Variants in MGA observed in about 807,000 individuals in gnomAD.
MGA encodes MAX gene-associated protein.
In MGA, 40 loss-of-function variants were observed where a neutral mutation model predicts 261.1. The observed-to-expected ratio is 0.15, with a 90% CI of 0.12 to 0.20. The LOEUF (loss-of-function observed/expected upper bound fraction) is 0.20, where lower values mean the gene tolerates loss of function less well. Ranked by LOEUF, MGA falls within the 10% of genes least tolerant of loss-of-function variation. MGA has a pLI of 1.00. For missense variants in MGA, 3,397 were observed against 3,630.5 expected, an observed-to-expected ratio of 0.94 and a Z score of 1.65; for synonymous variants, 1,302 against 1,290.6, an observed-to-expected ratio of 1.01 and a Z score of -0.19.
At chr15:41,664,566 C>T (rs2057617632) in intron 1 of MGA, among the ~76,000 whole-genome samples, 1 of 152,044 alleles carries the variant, frequency 6.6e-6, no homozygotes, top group Admixed American at 6.6e-5. Flanking sequence ...TACTTCTTTG[C>T]TGCCTTAGTC....
intron 1 of MGA, among the ~76,000 whole-genome samples, chr15:41,653,373 A>AAAAACAACAAAAAACAAC (rs1595576487): frequency 6.6e-6 from 1 of 151,860 alleles, no homozygotes; most frequent in East Asian, 1.9e-4. Flanking sequence ...CATCTCAGAA[A>AAAAACAACAAAAAACAAC]AAAAAACAAC....
At chr15:41,746,696 A>G (rs1296663203) in intron 15 of MGA, among the ~76,000 whole-genome samples, 1 of 152,024 alleles carries the variant, frequency 6.6e-6, no homozygotes, top group Non-Finnish European at 1.5e-5. Flanking sequence ...TGTTATGACC[A>G]TGACTTTCTT....
At chr15:41,684,695 TGA>T (rs1566973130) in intron 2 of MGA, 1 of 186,420 alleles carries the variant, frequency 5.4e-6, no homozygotes, top group Non-Finnish European at 1.1e-5. Context: ...TTCTACATTA[TGA>T]GAGTTATGTC....
At chr15:41,715,076 G>GC (rs1305735705) in intron 9 of MGA, among the ~76,000 whole-genome samples, 3 of 112,582 alleles carry the variant, frequency 2.7e-5, no homozygotes, top group Non-Finnish European at 3.6e-5. Flanking sequence ...CTGCCCACCC[G>GC]CCCCCAGTGA....
chr15:41,765,690 A>G (rs2063762705), intron 23 of MGA, among the ~76,000 whole-genome samples: 1 of 152,240 alleles, frequency 6.6e-6, no homozygotes, highest in Non-Finnish European at 1.5e-5. Flanking sequence ...GTAGCAGTTA[A>G]TTAGGTGAAC....
chr15:41,708,313 G>GTTT (rs2060218194), intron 7 of MGA, 105 bp downstream of exon 7: 1 of 836,336 alleles, frequency 1.2e-6, no homozygotes, highest in Non-Finnish European at 1.9e-6. Context: ...CTCGCCATGG[G>GTTT]TTTTTTGTTG....
chr15:41,641,778 G>A (rs987983908), intron 1 of MGA, among the ~76,000 whole-genome samples: 11 of 151,832 alleles, frequency 7.2e-5, no homozygotes, highest in Admixed American at 1.3e-4. Flanking sequence ...ATGAGCCACC[G>A]TGTCCGGCCT....
chr15:41,623,533 T>A (rs973885690), intron 1 of MGA, among the ~76,000 whole-genome samples: 10 of 151,742 alleles, frequency 6.6e-5, no homozygotes, highest in Non-Finnish European at 1.5e-5. Context: ...TCACCTGAGG[T>A]CGGGAGTTCG....
At chr15:41,670,817 T>C (rs1401303290) in intron 2 of MGA, among the ~76,000 whole-genome samples, 1 of 152,202 alleles carries the variant, frequency 6.6e-6, no homozygotes, top group African/African-American at 2.4e-5. Context: ...TAAGCAATAC[T>C]GTTTTAACAA....
intron 1 of MGA, among the ~76,000 whole-genome samples, chr15:41,661,595 CTT>C (rs1005682973): frequency 8.5e-5 from 13 of 152,236 alleles, no homozygotes; most frequent in East Asian, 1.9e-4. Context: ...AAAGTGCACT[CTT>C]TTATTGGGAA....
intron 14 of MGA, among the ~76,000 whole-genome samples, chr15:41,742,269 T>C (rs1015051789): frequency 6.6e-6 from 1 of 151,588 alleles, no homozygotes; most frequent in Non-Finnish European, 1.5e-5. Context: ...GTGCCTGTAA[T>C]CCCAGCTACT....
At chr15:41,655,989 C>T (rs2057159942), upstream of MGA, among the ~76,000 whole-genome samples, 1 of 152,106 alleles carries the variant, frequency 6.6e-6, no homozygotes, top group South Asian at 2.1e-4. Flanking sequence ...AAATATGTGT[C>T]CACCCTATCC....
Position 41,743,060 on chromosome 15 carries a change from G to C in MGA, c.5100G>C (p.Val1700=), listed in dbSNP as rs1030647065. The stretch of plus-strand genomic sequence containing the variant: ...CCACTGCTTCCACCTCCTTAGTCGT[G>C]GTGACTGCAGCTGCATCTTCCTCCA... The change falls in exon 15 of 24, where the codon GTG becomes GTC. Residue 1700 remains valine (V), a synonymous_variant. Transcript: ENST00000219905. The C allele has an allele frequency of 1.3e-5, 21 of 1,613,820 alleles. No homozygotes were observed. The highest frequency in any genetic ancestry group is 5.3e-5 in the African/African-American group (4 of 74,898).
chr15:41,708,098 T>C lies in MGA; in HGVS notation c.2321-6T>C. On this transcript the variant is annotated splice_polypyrimidine_tract_variant and splice_region_variant and intron_variant, in intron 6 of 23. Coordinates refer to ENST00000219905, the MANE Select transcript of MGA (RefSeq NM_001164273.2). ...TTGGTCATCTGTTTGACTTTTTCTT[T>C]TATAGATGCGGGATTTCCCTTTGTT... is the stretch of plus-strand genomic sequence containing the variant. 1 of 1,562,218 alleles carries C rather than the reference T, an allele frequency of 6.4e-7. No individual in the cohort carries two copies. The highest frequency in any genetic ancestry group is 8.7e-7 in the Non-Finnish European group (1 of 1,155,072).
At chr15:41,744,492 G>A (rs12440747) in intron 15 of MGA, among the ~76,000 whole-genome samples, 48,862 of 151,860 alleles carry the variant, frequency 0.32, 8,278 homozygotes, top group Admixed American at 0.39. Context: ...CACCACGTCC[G>A]GCTTGTGAAT....
At chr15:41,734,197 C>T (rs998164741) in intron 11 of MGA, among the ~76,000 whole-genome samples, 1 of 152,006 alleles carries the variant, frequency 6.6e-6, no homozygotes, top group Non-Finnish European at 1.5e-5. Context: ...CATGAGCCAC[C>T]GAGACTGGCC....
intron 15 of MGA, among the ~76,000 whole-genome samples, 165 bp downstream of exon 15, chr15:41,743,337 CTAAAAT>C (rs1397569889): frequency 6.6e-6 from 1 of 152,172 alleles, no homozygotes; most frequent in Non-Finnish European, 1.5e-5. Context: ...AAACTGAACA[CTAAAAT>C]TAATAGAGCT....
chr15:41,748,505 G>A lies in MGA; in HGVS notation c.5213-132G>A, dbSNP rs533538749. 644 of 959,604 alleles carry A rather than the reference G, an allele frequency of 6.7e-4. 5 individuals are homozygous for A. The South Asian group carries it at 0.011, about 16-fold the overall frequency. The allele number at this position is 959,604 out of a possible 1,614,324, so 59.4% of individuals were successfully genotyped here. A position where few individuals can be genotyped will look rare whatever the true frequency, so the allele number is the denominator to read the frequency against. On this transcript the variant is annotated intron_variant, in intron 15 of 23. Transcript: ENST00000219905. Reference sequence around the variant, plus strand: ...GGAGGTGCGGAGGTTGTAGTCAGTCGAGGTTGTGTCATTGCACTCCAGCCT... The same window carrying A: ...GGAGGTGCGGAGGTTGTAGTCAGTCAAGGTTGTGTCATTGCACTCCAGCCT...
chr15:41,708,505 T>C lies in MGA; in HGVS notation c.2425+297T>C, dbSNP rs373946097. Among the ~76,000 whole-genome samples, 24 of 152,232 alleles carry C rather than the reference T, an allele frequency of 1.6e-4. No homozygotes were observed. In the East Asian group the frequency reaches 2.7e-3, roughly 17 times the overall value. On this transcript the variant is annotated intron_variant, in intron 7 of 23. Coordinates refer to ENST00000219905, the MANE Select transcript of MGA (RefSeq NM_001164273.2). ...GCTAATTTTTTGTATTTTTAGTAGA[T>C]ACAGGGCTTCACCATGTTGGCCAGG... is the stretch of plus-strand genomic sequence containing the variant.
Sources: gnomAD v4.1 joint callset for allele counts (sites outside exome capture counted in the v4.1 genomes callset) on GRCh38, gnomAD v4.1.1 for gene constraint, MANE v1.5 for transcripts, NCBI Gene and HGNC (gene_info 2026-07-23, HGNC 2026-07-21) for gene names.